PSMD5: variants seen among roughly 807,000 people sequenced by gnomAD.
PSMD5 encodes proteasome 26S subunit, non-ATPase 5, also known as 26S proteasome non-ATPase regulatory subunit 5.
In PSMD5, 40 loss-of-function variants were observed where a neutral mutation model predicts 52.1. That is an observed-to-expected ratio of 0.77 (90% confidence interval 0.60 to 1.00). The LOEUF is 1.00. Ranked by LOEUF, PSMD5 falls within the 50% of genes least tolerant of loss-of-function variation. The pLI is 0.00. For synonymous variants in PSMD5, 211 were observed against 226.6 expected (o/e 0.93, Z 0.62); for missense variants, 575 against 605.2 (o/e 0.95, Z 0.52).
At chr9:120,824,780 C>T in intron 6 of PSMD5, 95 bp from the exon 7 acceptor site, 1 of 1,054,330 alleles carries the variant, frequency 9.5e-7, no homozygotes, top group South Asian at 1.6e-5. Context: ...GAACTGCAGG[C>T]CAGAAAAGCA....
chr9:120,830,904 A>T (rs201629244), intron 4 of PSMD5, among the ~76,000 whole-genome samples: 99 of 134,580 alleles, frequency 7.4e-4, no homozygotes, highest in East Asian at 5.8e-3. Flanking sequence ...TATATATATA[A>T]AAAGGGTCTT....
At chr9:120,841,139 AAT>A (rs1196898202) in intron 1 of PSMD5, among the ~76,000 whole-genome samples, 1 of 152,228 alleles carries the variant, frequency 6.6e-6, no homozygotes, top group Non-Finnish European at 1.5e-5. Flanking sequence ...CTTCCCTATT[AAT>A]AGTTTCTGGT....
chr9:120,820,463 A>G (rs568106152), intron 9 of PSMD5, among the ~76,000 whole-genome samples: 1 of 152,362 alleles, frequency 6.6e-6, no homozygotes, highest in South Asian at 2.1e-4. Flanking sequence ...CGGAGACCCC[A>G]GCAAAGGTCC....
chr9:120,833,497 C>T, intron 1 of PSMD5, 41 bp from the exon 2 acceptor site: 1 of 1,580,408 alleles, frequency 6.3e-7, no homozygotes, highest in South Asian at 1.1e-5. Context: ...CATATCCTGC[C>T]CAGGTAGGAA....
intron 2 of PSMD5, 95 bp downstream of exon 2, chr9:120,833,217 A>T (rs2045173168): frequency 1.5e-6 from 2 of 1,369,620 alleles, no homozygotes; most frequent in Non-Finnish European, 2.0e-6. Flanking sequence ...AGGGAAGGAG[A>T]GAGAGAAATA....
At chr9:120,824,089 G>A (rs567879587) in intron 7 of PSMD5, 1 of 161,776 alleles carries the variant, frequency 6.2e-6, no homozygotes, top group East Asian at 1.9e-4. Context: ...CTGGGTAACA[G>A]AGAGACACTC....
chr9:120,820,872 A>G lies in PSMD5; in HGVS notation c.1224T>C (p.Pro408=). 3 of 1,603,146 alleles carry G rather than the reference A, an allele frequency of 1.9e-6. No individual in the cohort carries two copies. The highest frequency in any genetic ancestry group is 1.8e-5 in the Admixed American group (1 of 55,680). ...LFRGISSQPF[P]ELHCAALKVF... ...CTTTTAAGGCAGCACAGTGTAGTTC[A>G]GGGAAGGGCTGACTACTAATGCCAC... The change falls in exon 9 of 10, where the codon CCT becomes CCC. Residue 408 remains proline (P), a synonymous_variant. Coordinates refer to ENST00000210313, the MANE Select transcript of PSMD5 (RefSeq NM_005047.4).
At chr9:120,826,662 G>A in intron 6 of PSMD5, 103 bp downstream of exon 6, 1 of 1,370,128 alleles carries the variant, frequency 7.3e-7, no homozygotes, top group Non-Finnish European at 9.8e-7. Flanking sequence ...CAGCTCTAAA[G>A]GAAAACAATC....
At chr9:120,819,264 G>A (rs957390925) in intron 9 of PSMD5, among the ~76,000 whole-genome samples, 2 of 152,314 alleles carry the variant, frequency 1.3e-5, no homozygotes, top group East Asian at 3.9e-4. Context: ...CCCAGGCTCT[G>A]CCCCACAACT....
At chr9:120,819,174 G>T (rs553636971) in intron 9 of PSMD5, among the ~76,000 whole-genome samples, 1 of 152,110 alleles carries the variant, frequency 6.6e-6, no homozygotes, top group African/African-American at 2.4e-5. Flanking sequence ...CAAGTTTATG[G>T]CCTAGTTTTT....
In PSMD5 at chr9:120,820,968, C is replaced by A; in HGVS notation, c.1128G>T (p.Gln376His). ...SSLLYLPPEQ[Q>H]TDDLLRMTES... ...CTGTCATCCTCAGAAGGTCATCAGTCTGCTGCTCAGGCTACAGGAAAGAAA... is the reference window on the plus strand; with the variant it reads ...CTGTCATCCTCAGAAGGTCATCAGTATGCTGCTCAGGCTACAGGAAAGAAA... Residue 376 changes from glutamine to histidine, a missense_variant, in exon 9 of 10, where the codon CAG becomes CAT. Coordinates refer to ENST00000210313, the MANE Select transcript of PSMD5 (RefSeq NM_005047.4). 6.3e-7 allele frequency: 1 copy of A among 1,591,260 alleles called. No homozygotes were observed. Among genetic ancestry groups the A allele is most frequent in the African/African-American group, 1.4e-5 (1 of 73,800 alleles).
At chr9:120,831,982 A>G (rs2045164650) in intron 2 of PSMD5, 37 bp from the exon 3 acceptor site, 3 of 1,601,626 alleles carry the variant, frequency 1.9e-6, no homozygotes, top group Non-Finnish European at 2.6e-6. Context: ...CTTCTAAAGT[A>G]GGGCAACATA....
intron 9 of PSMD5, among the ~76,000 whole-genome samples, chr9:120,820,475 G>A (rs952370504): frequency 2.0e-5 from 3 of 152,186 alleles, no homozygotes; most frequent in African/African-American, 7.2e-5. Context: ...CAAAGGTCCA[G>A]AGACACAAAA....
In PSMD5 at chr9:120,842,918, C is replaced by G. The variant is rs1219996172; in HGVS notation, c.-9G>C. 1.9e-6 allele frequency: 3 copies of G among 1,571,820 alleles called. No individual in the cohort carries two copies. The highest frequency in any genetic ancestry group is 2.0e-4 in the Middle Eastern group (1 of 4,898). On this transcript the variant is annotated 5_prime_UTR_variant, in exon 1 of 10. Transcript: ENST00000210313. Reference sequence around the variant, plus strand: ...AAAGCCTGGGCTGCCATCTTGCCCCCCGACGCAGGGGCTGGCCCAGCGGCC... The same window carrying G: ...AAAGCCTGGGCTGCCATCTTGCCCCGCGACGCAGGGGCTGGCCCAGCGGCC...
intron 1 of PSMD5, among the ~76,000 whole-genome samples, chr9:120,837,496 C>T (rs1000731406): frequency 2.6e-5 from 4 of 152,174 alleles, no homozygotes; most frequent in Non-Finnish European, 4.4e-5. Context: ...ACACCCAGCT[C>T]AATTTATTCT....
Position 120,820,864 on chromosome 9 carries a change from T to A in PSMD5, c.1232A>T (p.His411Leu), listed in dbSNP as rs200310851. Residue 411 changes from histidine to leucine, a missense_variant, in exon 9 of 10, where the codon CAC becomes CTC. By Grantham distance (99) the His-to-Leu change is moderately conservative (BLOSUM62 -3). Transcript: ENST00000210313. Reference protein sequence around the residue: ...GISSQPFPELHCAALKVFTAI... With the variant: ...GISSQPFPELLCAALKVFTAI... ...CGTAAACACTTTTAAGGCAGCACAG[T>A]GTAGTTCAGGGAAGGGCTGACTACT... 66 of 1,600,252 alleles carry A rather than the reference T, an allele frequency of 4.1e-5. No homozygotes were observed. Among genetic ancestry groups the A allele is most frequent in the Non-Finnish European group, 5.0e-5 (59 of 1,176,474 alleles).
chr9:120,838,380 G>A (rs1377765425), intron 1 of PSMD5, among the ~76,000 whole-genome samples: 1 of 152,172 alleles, frequency 6.6e-6, no homozygotes, highest in East Asian at 1.9e-4. Flanking sequence ...AAGAGTTAAT[G>A]CTTAAAATTA....
At chr9:120,837,907 A>G (rs2045208975) in intron 1 of PSMD5, among the ~76,000 whole-genome samples, 1 of 152,262 alleles carries the variant, frequency 6.6e-6, no homozygotes, top group African/African-American at 2.4e-5. Flanking sequence ...ACATTCATAC[A>G]ATGGACTTAC....
In PSMD5 at chr9:120,829,090, T is replaced by G. The variant is rs1474447631; in HGVS notation, c.671+9A>C. 2.6e-6 allele frequency: 4 copies of G among 1,548,516 alleles called. No homozygotes were observed. The African/African-American group carries it at 5.6e-5, about 22-fold the overall frequency. On this transcript the variant is annotated intron_variant, in intron 5 of 9. Coordinates refer to ENST00000210313, the MANE Select transcript of PSMD5 (RefSeq NM_005047.4). The stretch of plus-strand genomic sequence containing the variant: ...AGGATATTTCACTTTAAGAACTCAG[T>G]CAACACACCTGACCAACACATCCTC...
Sources: allele counts gnomAD v4.1 joint callset (sites outside exome capture counted in the v4.1 genomes callset), GRCh38; gene constraint gnomAD v4.1.1; transcripts MANE v1.5; gene names NCBI Gene and HGNC (gene_info 2026-07-23, HGNC 2026-07-21).